The following DDX52 variants were observed in gnomAD, a reference collection of about 807,000 sequenced individuals.
DDX52 encodes probable ATP-dependent RNA helicase DDX52.
Under a neutral mutation model 76.1 loss-of-function variants are expected in DDX52, and 59 were observed. The ratio of observed to expected loss-of-function variants is 0.78; its 90% CI spans 0.63 to 0.96. The LOEUF is 0.96. DDX52 is among the 40% of genes least tolerant of loss of function. The pLI is 0.00. For missense variants in DDX52, 707 were observed against 703.9 expected, an observed-to-expected ratio of 1.00 and a Z score of -0.05; for synonymous variants, 231 against 244.1, an observed-to-expected ratio of 0.95 and a Z score of 0.50.
At chr17:37,625,250 C>T (rs62073465) in intron 8 of DDX52, among the ~76,000 whole-genome samples, 2,662 of 152,246 alleles carry the variant, frequency 0.017, 37 homozygotes, top group Non-Finnish European at 0.025. Flanking sequence ...GCCTCTGCCT[C>T]CCAAAGTGCT....
chr17:37,621,701 T>C (rs2030103955), intron 9 of DDX52, among the ~76,000 whole-genome samples, 181 bp from the exon 10 acceptor site: 1 of 152,226 alleles, frequency 6.6e-6, no homozygotes, highest in African/African-American at 2.4e-5. Context: ...CAATTGGTTA[T>C]TTCCACTCAA....
At chr17:37,619,223 A>G (rs150673776) in intron 13 of DDX52, among the ~76,000 whole-genome samples, 11 of 152,312 alleles carry the variant, frequency 7.2e-5, no homozygotes, top group South Asian at 6.2e-4. Context: ...TACTAAAAAT[A>G]CAAAGATTAG....
At position 37,626,864 on chromosome 17, in the gene DDX52, T is replaced by C. The variant is rs774835380; in HGVS notation, c.860-4A>G. 3 of 1,606,844 alleles carry C rather than the reference T, an allele frequency of 1.9e-6. No individual in the cohort carries two copies. The highest frequency in any genetic ancestry group is 1.3e-5 in the African/African-American group (1 of 74,422). On this transcript the variant is annotated splice_region_variant and splice_polypyrimidine_tract_variant and intron_variant, in intron 6 of 14. Coordinates refer to ENST00000617633, the MANE Select transcript of DDX52 (RefSeq NM_007010.5). ...TTTGGAGTAGTCACAAGAATATCTA[T>C]AGGAAAAACAAATGGTAGAAATTGC...
At position 37,626,963 on chromosome 17, in the gene DDX52, T is replaced by A. The variant is rs980910629; in HGVS notation, c.860-103A>T. The A allele has an allele frequency of 3.4e-5, 29 of 853,322 alleles. No homozygotes were observed. In the African/African-American group the frequency reaches 4.2e-4, roughly 12 times the overall value. The allele number at this position is 853,322 out of a possible 1,614,324, so 52.9% of individuals were successfully genotyped here. A position where few individuals can be genotyped will look rare whatever the true frequency, so the allele number is the denominator to read the frequency against. ...TCAGTTAATAACCTGAAGTGGGAAG[T>A]AGTCATAGCCAACAACACAAAACTA... is the stretch of plus-strand genomic sequence containing the variant. On this transcript the variant is annotated intron_variant, in intron 6 of 14. Transcript: ENST00000617633.
rs1254692836 is a variant in DDX52 at position 37,612,779 on chromosome 17, TACTCACA to T, written c.*1510_*1516del. 1.3e-5 allele frequency: 2 copies of T among 152,200 alleles called. No individual in the cohort carries two copies. Among genetic ancestry groups the T allele is most frequent in the Non-Finnish European group, 2.9e-5 (2 of 68,034 alleles). 9.4% of individuals were successfully genotyped at this position (152,200 alleles called of 1,614,324 possible). On this transcript the variant is annotated 3_prime_UTR_variant, in exon 15 of 15. Transcript: ENST00000617633. ...ACTATGTATCAGGTACAGTGCTAGG[TACTCACA>T]ATTGGAGACATAATTTTATAGATGA... is the stretch of plus-strand genomic sequence containing the variant.
chr17:37,627,673 G>C, intron 6 of DDX52, among the ~76,000 whole-genome samples: 2 of 148,770 alleles, frequency 1.3e-5, no homozygotes, highest in East Asian at 3.9e-4. Context: ...ACAGATGAAA[G>C]CTTATCTCCA....
In DDX52 at chr17:37,634,936, G is replaced by A; in HGVS notation, c.287-1518C>T. 1.3e-5 allele frequency among the ~76,000 whole-genome samples: 2 copies of A among 151,648 alleles called. 1 individual carries two copies. On this transcript the variant is annotated intron_variant, in intron 2 of 14. Transcript: ENST00000617633. ...GATTATCAGCCTCCCGAGTAGCTGG[G>A]ACTACAGAGGCATGCCACCATGTCC... is the stretch of plus-strand genomic sequence containing the variant.
intron 4 of DDX52, chr17:37,631,782 A>G (rs1432536764): frequency 1.3e-5 from 4 of 308,918 alleles, no homozygotes; most frequent in African/African-American, 6.5e-5. Context: ...GGGGTTACAC[A>G]CTAGTAAAAT....
chr17:37,635,619 T>C (rs1472504951), intron 2 of DDX52: 1 of 455,952 alleles, frequency 2.2e-6, no homozygotes, highest in South Asian at 1.5e-5. Flanking sequence ...TGAGGGACAT[T>C]TGGGTCATTT....
intron 4 of DDX52, chr17:37,631,285 A>T (rs540460510): frequency 7.9e-5 from 12 of 152,396 alleles, no homozygotes; most frequent in African/African-American, 2.6e-4. Flanking sequence ...TTCATACAAC[A>T]TAATACTACT....
intron 5 of DDX52, among the ~76,000 whole-genome samples, chr17:37,628,931 C>G (rs2030530066): frequency 6.6e-6 from 1 of 152,118 alleles, no homozygotes; most frequent in Non-Finnish European, 1.5e-5. Context: ...GAATACAGTA[C>G]TACTGGCCGG....
intron 14 of DDX52, among the ~76,000 whole-genome samples, chr17:37,616,752 C>T (rs1243248428): frequency 6.6e-6 from 1 of 151,766 alleles, no homozygotes; most frequent in Non-Finnish European, 1.5e-5. Context: ...ATTGACTATT[C>T]AAATATACTT....
intron 6 of DDX52, among the ~76,000 whole-genome samples, chr17:37,627,808 C>A (rs1225384489): frequency 6.6e-6 from 1 of 151,820 alleles, no homozygotes; most frequent in Non-Finnish European, 1.5e-5. Flanking sequence ...CACTCTGTTG[C>A]TCAGGCTGGA....
At chr17:37,642,418 T>C in intron 1 of DDX52, 110 bp from the exon 2 acceptor site, 5 of 1,261,046 alleles carry the variant, frequency 4.0e-6, no homozygotes, top group Non-Finnish European at 5.5e-6. Context: ...ACCAAGTATC[T>C]GTCGAGCTAA....
rs2030062478 is a variant in DDX52, at chr17:37,621,106, AG to A, written c.1501+20del. ...ACAGATCAGTGGGTGACAGAGGGGA[AG>A]GAAAAAAAAGACAACTCACCTATCC... On this transcript the variant is annotated intron_variant, in intron 11 of 14. Coordinates refer to ENST00000617633, the MANE Select transcript of DDX52 (RefSeq NM_007010.5). 6.3e-7 allele frequency: 1 copy of A among 1,594,834 alleles called. No individual in the cohort carries two copies. Among genetic ancestry groups the A allele is most frequent in the Non-Finnish European group, 8.5e-7 (1 of 1,171,792 alleles).
intron 2 of DDX52, chr17:37,639,358 A>T: frequency 1.0e-6 from 1 of 984,910 alleles, no homozygotes; most frequent in East Asian, 1.1e-4. Flanking sequence ...ACTTTAAAAA[A>T]ATTTTGTTCC....
chr17:37,620,645 C>T (rs1484076124), intron 12 of DDX52: 2 of 420,302 alleles, frequency 4.8e-6, no homozygotes, highest in East Asian at 4.2e-5. Flanking sequence ...CTGAAACTTA[C>T]AATGAACATT....
chr17:37,617,782 G>A (rs2029880409), intron 14 of DDX52, among the ~76,000 whole-genome samples: 1 of 151,950 alleles, frequency 6.6e-6, no homozygotes, highest in Admixed American at 6.6e-5. Context: ...TTTCCAAGAC[G>A]GAAAAAAACA....
At chr17:37,622,256 TATC>T (rs1167241112) in intron 9 of DDX52, among the ~76,000 whole-genome samples, 1 of 152,082 alleles carries the variant, frequency 6.6e-6, no homozygotes, top group Non-Finnish European at 1.5e-5. Flanking sequence ...TCAAACCAGC[TATC>T]TTTTTAACCG....
Sources: allele counts gnomAD v4.1 joint callset (sites outside exome capture counted in the v4.1 genomes callset), GRCh38; gene constraint gnomAD v4.1.1; transcripts MANE v1.5; gene names NCBI Gene and HGNC (gene_info 2026-07-23, HGNC 2026-07-21).